Variants in RIMS4 observed in about 807,000 individuals in gnomAD.
RIMS4 encodes the protein regulating synaptic membrane exocytosis protein 4.
In RIMS4, 9 loss-of-function variants were observed where a neutral mutation model predicts 29.0. That is an observed-to-expected ratio of 0.31 (90% confidence interval 0.19 to 0.54). RIMS4 has a LOEUF of 0.54. Among genes scored for constraint, RIMS4 ranks in the 20% least tolerant of loss-of-function variants. The pLI is 0.94. For synonymous variants in RIMS4, 130 were observed against 152.9 expected (o/e 0.85, Z 1.10); for missense variants, 193 against 365.7 (o/e 0.53, Z 3.85).
intron 1 of RIMS4, among the ~76,000 whole-genome samples, chr20:44,809,404 C>G (rs1246499996): frequency 6.6e-6 from 1 of 151,992 alleles, no homozygotes; most frequent in Non-Finnish European, 1.5e-5. Context: ...TGAGGTTGTG[C>G]GCAGGCCTGG....
intron 1 of RIMS4, among the ~76,000 whole-genome samples, chr20:44,809,051 C>T (rs144018739): frequency 1.9e-3 from 296 of 152,270 alleles, no homozygotes; most frequent in African/African-American, 6.7e-3. Context: ...CAAAGACTCT[C>T]GGATTTTCAC....
chr20:44,760,499 A>G (rs1014984192), intron 2 of RIMS4, among the ~76,000 whole-genome samples: 2 of 152,178 alleles, frequency 1.3e-5, no homozygotes, highest in Non-Finnish European at 2.9e-5. Context: ...GCTGAGACCA[A>G]TGAGAAACAA....
At chr20:44,780,574 T>G (rs2066179809) in intron 1 of RIMS4, among the ~76,000 whole-genome samples, 1 of 152,030 alleles carries the variant, frequency 6.6e-6, no homozygotes, top group Non-Finnish European at 1.5e-5. Flanking sequence ...CTATGAGAGG[T>G]GCTCAGCACT....
intron 4 of RIMS4, 126 bp downstream of exon 4, chr20:44,757,544 C>G (rs1008336295): frequency 2.1e-5 from 15 of 724,124 alleles, no homozygotes; most frequent in Non-Finnish European, 3.5e-5. Flanking sequence ...CCACATAAGA[C>G]ATCAGAGTTG....
intron 1 of RIMS4, among the ~76,000 whole-genome samples, chr20:44,782,004 C>A (rs764710438): frequency 7.2e-5 from 11 of 152,206 alleles, no homozygotes; most frequent in Admixed American, 2.6e-4. Flanking sequence ...GTACTTCCGT[C>A]TTCTTAGGAG....
At chr20:44,793,669 C>G (rs2066242510) in intron 1 of RIMS4, among the ~76,000 whole-genome samples, 1 of 152,134 alleles carries the variant, frequency 6.6e-6, no homozygotes, top group South Asian at 2.1e-4. Flanking sequence ...AGGAGGAGTT[C>G]AGGTGGGTAA....
chr20:44,799,848 C>A (rs937742169), intron 1 of RIMS4, among the ~76,000 whole-genome samples: 4 of 152,202 alleles, frequency 2.6e-5, no homozygotes, highest in African/African-American at 9.6e-5. Flanking sequence ...ACTAAGATAG[C>A]CACAGTAGAT....
At chr20:44,758,023 T>A (rs747009674) in intron 3 of RIMS4, 49 bp downstream of exon 3, 1 of 1,350,978 alleles carries the variant, frequency 7.4e-7, no homozygotes, top group Non-Finnish European at 1.0e-6. Context: ...GCTTCTGGTG[T>A]GACACCCAAC....
chr20:44,797,812 G>GC (rs2066261451), intron 1 of RIMS4, among the ~76,000 whole-genome samples: 1 of 152,192 alleles, frequency 6.6e-6, no homozygotes, highest in African/African-American at 2.4e-5. Context: ...CCCAGTCAGA[G>GC]CCTTGCCATG....
At chr20:44,764,140 A>G (rs1601021260) in intron 2 of RIMS4, among the ~76,000 whole-genome samples, 6 of 44,000 alleles carry the variant, frequency 1.4e-4, no homozygotes, top group Non-Finnish European at 3.1e-4. Context: ...CCATCCATTT[A>G]TGCATCCATT....
At chr20:44,787,224 T>C (rs1196753381) in intron 1 of RIMS4, among the ~76,000 whole-genome samples, 1 of 151,686 alleles carries the variant, frequency 6.6e-6, no homozygotes, top group African/African-American at 2.4e-5. Context: ...AGGTTTGAGA[T>C]GATGGGGCAG....
intron 1 of RIMS4, among the ~76,000 whole-genome samples, chr20:44,803,575 T>G (rs1324655130): frequency 1.3e-5 from 2 of 151,376 alleles, no homozygotes; most frequent in Non-Finnish European, 2.9e-5. Context: ...AAGTGCGCAC[T>G]GCTAAATGCA....
chr20:44,797,900 G>A (rs2145476934), intron 1 of RIMS4, among the ~76,000 whole-genome samples: 2 of 152,296 alleles, frequency 1.3e-5, no homozygotes, highest in South Asian at 4.2e-4. Context: ...TTCATCTAAT[G>A]AGGAAATCAA....
chr20:44,773,988 G>T (rs968957031), intron 1 of RIMS4, among the ~76,000 whole-genome samples: 11 of 152,270 alleles, frequency 7.2e-5, no homozygotes, highest in African/African-American at 2.6e-4. Context: ...ACCTGCCCTT[G>T]CCAACTGTCT....
rs989958915 is a variant in RIMS4 at position 44,754,229 on chromosome 20, C to G, written c.*1905G>C. ...CCACCCACCGCGGTCCCAGGAAACT[C>G]TGAAGACCTCCTGGGTAAAGGGGGC... is the stretch of plus-strand genomic sequence containing the variant. On this transcript the variant is annotated 3_prime_UTR_variant, in exon 6 of 6. Transcript: ENST00000372851. 1 of 152,452 alleles carries G rather than the reference C, an allele frequency of 6.6e-6. No homozygotes were observed. The highest frequency in any genetic ancestry group is 2.4e-5 in the African/African-American group (1 of 41,480). 9.4% of individuals were successfully genotyped at this position (152,452 alleles called of 1,614,324 possible). A position where few individuals can be genotyped will look rare whatever the true frequency, so the allele number is the denominator to read the frequency against.
At chr20:44,778,829 T>C (rs2066171617) in intron 1 of RIMS4, among the ~76,000 whole-genome samples, 1 of 152,202 alleles carries the variant, frequency 6.6e-6, no homozygotes, top group Non-Finnish European at 1.5e-5. Flanking sequence ...AGTCACTCTA[T>C]TAGTTGTGTG....
intron 1 of RIMS4, 23 bp from the exon 2 acceptor site, chr20:44,771,436 G>C: frequency 6.3e-7 from 1 of 1,596,308 alleles, no homozygotes; most frequent in Non-Finnish European, 8.6e-7. Context: ...GCGGCCAAGA[G>C]AGATGGGAAG....
Position 44,772,060 on chromosome 20 carries a change from A to C in RIMS4, c.98-647T>G, listed in dbSNP as rs1244200880. ...CTGGATATCTATCTCAGTGGCTGGG[A>C]GACTTAAGGCAAATTACTCAGCCTC... On this transcript the variant is annotated intron_variant, in intron 1 of 5. Transcript: ENST00000372851. Among the ~76,000 whole-genome samples the C allele has an allele frequency of 2.0e-5, 3 of 152,266 alleles. No homozygotes were observed. In the South Asian group the frequency reaches 6.2e-4, roughly 32 times the overall value.
chr20:44,796,122 G>A (rs569332541), intron 1 of RIMS4, among the ~76,000 whole-genome samples: 4 of 145,124 alleles, frequency 2.8e-5, no homozygotes, highest in South Asian at 2.2e-4. Flanking sequence ...CTTGGCCAAC[G>A]CTACTCACAC....
Sources: allele counts gnomAD v4.1 joint callset (sites outside exome capture counted in the v4.1 genomes callset), GRCh38; gene constraint gnomAD v4.1.1; transcripts MANE v1.5; gene names NCBI Gene and HGNC (gene_info 2026-07-23, HGNC 2026-07-21).